Variants in CNTN1 observed in about 807,000 individuals in gnomAD.
The protein encoded by CNTN1 is contactin 1, also known as contactin-1.
In CNTN1, 38 loss-of-function variants were observed where a neutral mutation model predicts 126.4. The ratio of observed to expected loss-of-function variants is 0.30; its 90% confidence interval spans 0.23 to 0.39. CNTN1 has a LOEUF of 0.39. CNTN1 is among the 10% of genes least tolerant of loss of function. CNTN1 has a pLI of 1.00. For missense variants in CNTN1, 1,009 were observed against 1,248.4 expected (o/e 0.81, Z 2.89); for synonymous variants, 413 against 422.6 (o/e 0.98, Z 0.28).
chr12:40,958,629 A>G (rs1256012127), intron 14 of CNTN1, among the ~76,000 whole-genome samples: 1 of 152,080 alleles, frequency 6.6e-6, no homozygotes, highest in East Asian at 1.9e-4. Flanking sequence ...GTGGAATTGT[A>G]CATTTTCTCA....
chr12:40,702,415 A>C (rs907480314), intron 1 of CNTN1, among the ~76,000 whole-genome samples: 22 of 152,080 alleles, frequency 1.4e-4, no homozygotes, highest in African/African-American at 5.3e-4. Flanking sequence ...TAGTTCTCCT[A>C]TGCATGTTTT....
At chr12:40,958,169 G>A (rs1006467860) in intron 14 of CNTN1, among the ~76,000 whole-genome samples, 1 of 151,962 alleles carries the variant, frequency 6.6e-6, no homozygotes, top group Non-Finnish European at 1.5e-5. Context: ...TACAAGCTGA[G>A]TGACCTTAGT....
At chr12:40,810,113 T>A (rs1457059700) in intron 1 of CNTN1, among the ~76,000 whole-genome samples, 1 of 152,170 alleles carries the variant, frequency 6.6e-6, no homozygotes, top group Non-Finnish European at 1.5e-5. Context: ...ATAATGAGGC[T>A]GAAAGTCCAT....
At chr12:40,723,158 C>T (rs1334970212) in intron 1 of CNTN1, among the ~76,000 whole-genome samples, 1 of 152,128 alleles carries the variant, frequency 6.6e-6, no homozygotes, top group African/African-American at 2.4e-5. Flanking sequence ...AGGCCGACTT[C>T]GCTCCTTATC....
intron 14 of CNTN1, among the ~76,000 whole-genome samples, chr12:40,952,017 A>G (rs1305301005): frequency 6.6e-6 from 1 of 152,146 alleles, no homozygotes; most frequent in Admixed American, 6.6e-5. Flanking sequence ...TGGTTTATAG[A>G]TGGTGATAGT....
intron 14 of CNTN1, among the ~76,000 whole-genome samples, chr12:40,950,637 A>G (rs2136977380): frequency 6.6e-6 from 1 of 152,328 alleles, no homozygotes; most frequent in South Asian, 2.1e-4. Flanking sequence ...TAATTCTATC[A>G]TACTTCATTC....
At chr12:40,958,369 G>A (rs1179530240) in intron 14 of CNTN1, among the ~76,000 whole-genome samples, 2 of 150,638 alleles carry the variant, frequency 1.3e-5, no homozygotes, top group Admixed American at 6.7e-5. Context: ...GTGTGTGTGT[G>A]TGTGTGTGTG....
At chr12:40,963,369 C>T (rs1329328315) in intron 15 of CNTN1, among the ~76,000 whole-genome samples, 2 of 151,980 alleles carry the variant, frequency 1.3e-5, no homozygotes, top group Non-Finnish European at 2.9e-5. Flanking sequence ...ATGAAGAACA[C>T]ATATTGACCT....
chr12:40,822,133 A>C (rs1941458479), intron 1 of CNTN1, among the ~76,000 whole-genome samples: 1 of 110,686 alleles, frequency 9.0e-6, no homozygotes, highest in Non-Finnish European at 2.1e-5. Context: ...TTTCCAGTCT[A>C]GACAAAATAT....
chr12:40,819,974 G>T (rs541881080), intron 1 of CNTN1, among the ~76,000 whole-genome samples: 1 of 152,264 alleles, frequency 6.6e-6, no homozygotes, highest in East Asian at 1.9e-4. Context: ...TCTTCTCTCC[G>T]TGGGTCATGC....
intron 23 of CNTN1, among the ~76,000 whole-genome samples, chr12:41,065,546 T>C (rs1303332369): frequency 6.6e-6 from 1 of 152,178 alleles, no homozygotes; most frequent in East Asian, 1.9e-4. Flanking sequence ...AAGGTTTGAG[T>C]TCCTGCTGAA....
intron 1 of CNTN1, among the ~76,000 whole-genome samples, chr12:40,884,734 A>G (rs563657612): frequency 6.6e-6 from 1 of 151,696 alleles, no homozygotes; most frequent in East Asian, 1.9e-4. Context: ...CATGTTCTTT[A>G]TTCATTAGTC....
chr12:40,770,251 T>C (rs1284504082), intron 1 of CNTN1, among the ~76,000 whole-genome samples: 1 of 152,136 alleles, frequency 6.6e-6, no homozygotes, highest in Non-Finnish European at 1.5e-5. Flanking sequence ...TCAGTTATTC[T>C]GGAGAGGCAT....
intron 1 of CNTN1, among the ~76,000 whole-genome samples, chr12:40,803,145 C>A (rs1940717749): frequency 6.6e-6 from 1 of 151,934 alleles, no homozygotes; most frequent in African/African-American, 2.4e-5. Flanking sequence ...ATTGTGTAAG[C>A]TGAACCAATT....
intron 1 of CNTN1, among the ~76,000 whole-genome samples, chr12:40,904,241 A>G (rs1944723549): frequency 6.6e-6 from 1 of 151,804 alleles, no homozygotes; most frequent in South Asian, 2.1e-4. Context: ...GATGGTCTCA[A>G]TCTCCTGACC....
At chr12:40,758,531 C>T (rs1462533024) in intron 1 of CNTN1, among the ~76,000 whole-genome samples, 1 of 152,062 alleles carries the variant, frequency 6.6e-6, no homozygotes, top group African/African-American at 2.4e-5. Flanking sequence ...GATTTTGAAA[C>T]ATTTATGGAC....
At chr12:41,019,560 TA>T (rs1417447637) in intron 19 of CNTN1, among the ~76,000 whole-genome samples, 1 of 152,156 alleles carries the variant, frequency 6.6e-6, no homozygotes, top group Non-Finnish European at 1.5e-5. Flanking sequence ...TGAAAGACAA[TA>T]AAAATTGATC....
intron 12 of CNTN1, among the ~76,000 whole-genome samples, chr12:40,942,488 T>C (rs758508784): frequency 9.9e-5 from 15 of 152,112 alleles, no homozygotes; most frequent in Non-Finnish European, 1.6e-4. Flanking sequence ...TCAGAGGAGT[T>C]TGCTGTCTTC....
At chr12:40,709,930 A>G (rs918941063) in intron 1 of CNTN1, among the ~76,000 whole-genome samples, 2 of 152,184 alleles carry the variant, frequency 1.3e-5, no homozygotes, top group African/African-American at 2.4e-5. Context: ...TTGTGTGTAC[A>G]CTAAAGTAGT....
Sources: gnomAD v4.1 joint callset for allele counts (sites outside exome capture counted in the v4.1 genomes callset) on GRCh38, gnomAD v4.1.1 for gene constraint, MANE v1.5 for transcripts, NCBI Gene and HGNC (gene_info 2026-07-23, HGNC 2026-07-21) for gene names.